The following SLC22A9 variants were observed in gnomAD, a reference collection of about 807,000 sequenced individuals.
SLC22A9 encodes solute carrier family 22 member 9.
A neutral mutation model predicts 50.1 loss-of-function variants in SLC22A9; 64 were observed. That is an observed-to-expected ratio of 1.28 (90% CI 1.04 to 1.57). SLC22A9 has a LOEUF of 1.57. Ranked by LOEUF, SLC22A9 falls within the 40% of genes most tolerant of loss-of-function variation. The pLI is 0.00. For synonymous variants in SLC22A9, 261 were observed against 242.5 expected (o/e 1.08, Z -0.71); for missense variants, 757 against 676.1 (o/e 1.12, Z -1.33).
chr11:63,387,700 T>C (rs920190109), intron 6 of SLC22A9, among the ~76,000 whole-genome samples: 7 of 152,156 alleles, frequency 4.6e-5, no homozygotes, highest in Non-Finnish European at 1.0e-4. Context: ...ATGTCATTGG[T>C]ATTTTGATAG....
At chr11:63,382,506 C>T (rs1489373493) in intron 6 of SLC22A9, among the ~76,000 whole-genome samples, 1 of 152,226 alleles carries the variant, frequency 6.6e-6, no homozygotes, top group Non-Finnish European at 1.5e-5. Context: ...AGGCTCTTCA[C>T]TGGACACCAA....
chr11:63,408,042 A>G, intron 7 of SLC22A9, 70 bp from the exon 8 acceptor site: 1 of 1,287,592 alleles, frequency 7.8e-7, no homozygotes, highest in South Asian at 1.2e-5. Flanking sequence ...AGTCCTTTTC[A>G]CTTCTACCTT....
In SLC22A9 at chr11:63,385,116, T is replaced by TTTG. The variant is rs1000615665; in HGVS notation, c.1073+2841_1073+2842insGTT. ...CACTCTGATGATACAGTTTTTTTTT[T>TTTG]TTTTTTTTTTTGCTGTGCAGAAGCT... On this transcript the variant is annotated intron_variant, in intron 6 of 9. Coordinates refer to ENST00000279178, the MANE Select transcript of SLC22A9 (RefSeq NM_080866.3). Among the ~76,000 whole-genome samples, 78 of 139,928 alleles carry TTTG rather than the reference T, an allele frequency of 5.6e-4. 3 individuals are homozygous for TTTG. In the South Asian group the frequency reaches 0.016, roughly 29 times the overall value. 91.8% of individuals were successfully genotyped at this position (139,928 alleles called of 152,430 possible).
chr11:63,373,554 T>C (rs1217603655), intron 2 of SLC22A9, 90 bp from the exon 3 acceptor site: 2 of 1,305,970 alleles, frequency 1.5e-6, no homozygotes, highest in Admixed American at 6.2e-5. Context: ...TTGTTAAACA[T>C]CTTTTAAGTT....
chr11:63,410,034 A>G lies in SLC22A9; in HGVS notation c.*172A>G. On this transcript the variant is annotated 3_prime_UTR_variant, in exon 10 of 10. Transcript: ENST00000279178. The stretch of plus-strand genomic sequence containing the variant: ...GGCGGGCAGATCATGAGGTCAGAAG[A>G]TAAAGACCACCCTGGCCAACATGGT... 1 of 578,448 alleles carries G rather than the reference A, an allele frequency of 1.7e-6. No homozygotes were observed. The highest frequency in any genetic ancestry group is 3.0e-6 in the Non-Finnish European group (1 of 336,948). The allele number at this position is 578,448 out of a possible 1,614,324, so 35.8% of individuals were successfully genotyped here.
intron 6 of SLC22A9, among the ~76,000 whole-genome samples, chr11:63,392,801 CA>C (rs1046545550): frequency 2.0e-5 from 3 of 152,078 alleles, no homozygotes; most frequent in African/African-American, 7.2e-5. Context: ...CACTTTTACA[CA>C]AAACCAAATG....
intron 6 of SLC22A9, among the ~76,000 whole-genome samples, chr11:63,393,193 G>A (rs1591022805): frequency 6.6e-6 from 1 of 152,070 alleles, no homozygotes; most frequent in South Asian, 2.1e-4. Context: ...TCCTTGTAGG[G>A]GTCTTTTGTC....
chr11:63,398,290 A>G (rs2014894713), intron 6 of SLC22A9, among the ~76,000 whole-genome samples: 1 of 152,040 alleles, frequency 6.6e-6, no homozygotes, highest in Non-Finnish European at 1.5e-5. Flanking sequence ...CCTCTCCTCA[A>G]GTCAAAGGGA....
chr11:63,400,623 G>A (rs1393098021), intron 6 of SLC22A9, among the ~76,000 whole-genome samples: 1 of 152,012 alleles, frequency 6.6e-6, no homozygotes, highest in Non-Finnish European at 1.5e-5. Context: ...CAAACTATTT[G>A]AGAAAATAAA....
At chr11:63,382,966 G>A (rs501594) in intron 6 of SLC22A9, among the ~76,000 whole-genome samples, 8,984 of 152,168 alleles carry the variant, frequency 0.059, 861 homozygotes, top group African/African-American at 0.2. Flanking sequence ...GCCTATGACC[G>A]CTCCCTCATA....
At chr11:63,405,616 G>A (rs2015024201) in intron 6 of SLC22A9, among the ~76,000 whole-genome samples, 1 of 152,100 alleles carries the variant, frequency 6.6e-6, no homozygotes, top group African/African-American at 2.4e-5. Context: ...TGAATGCTGT[G>A]GATATACAAT....
chr11:63,409,326 G>A (rs2015095481), intron 9 of SLC22A9, among the ~76,000 whole-genome samples: 1 of 152,150 alleles, frequency 6.6e-6, no homozygotes, highest in African/African-American at 2.4e-5. Flanking sequence ...ATTTGTGGAA[G>A]AGTATGCAGA....
intron 5 of SLC22A9, among the ~76,000 whole-genome samples, chr11:63,381,718 G>A (rs2014564232): frequency 6.6e-6 from 1 of 152,106 alleles, no homozygotes; most frequent in African/African-American, 2.4e-5. Flanking sequence ...AGTTCTCTCA[G>A]GAAATTTTGC....
At chr11:63,409,088 C>A (rs1313786270) in intron 9 of SLC22A9, among the ~76,000 whole-genome samples, 1 of 152,164 alleles carries the variant, frequency 6.6e-6, no homozygotes. Context: ...TCACACAGAC[C>A]AGCTCTGCCC....
chr11:63,389,732 T>C (rs1555014818), intron 6 of SLC22A9, among the ~76,000 whole-genome samples: 1 of 152,222 alleles, frequency 6.6e-6, no homozygotes, highest in Non-Finnish European at 1.5e-5. Context: ...GTATTTCTGG[T>C]TCCAGATCCT....
rs538717650 is a variant in SLC22A9, at chr11:63,405,893, T to C, written c.1074-604T>C. On this transcript the variant is annotated intron_variant, in intron 6 of 9. Coordinates refer to ENST00000279178, the MANE Select transcript of SLC22A9 (RefSeq NM_080866.3). The stretch of plus-strand genomic sequence containing the variant: ...CATAGTTTAATCCTCCATAAAACAC[T>C]TGCTGTCTTCCAAAAAATTAATGAC... Among the ~76,000 whole-genome samples the C allele has an allele frequency of 2.1e-3, 313 of 152,280 alleles. 1 individual carries two copies. The highest frequency in any genetic ancestry group is 6.8e-3 in the African/African-American group (281 of 41,560).
At chr11:63,372,004 A>C (rs1158574443) in intron 2 of SLC22A9, among the ~76,000 whole-genome samples, 2 of 152,158 alleles carry the variant, frequency 1.3e-5, no homozygotes. Flanking sequence ...GTACGACAGG[A>C]AATGGAATGT....
At chr11:63,395,977 G>A (rs1591024275) in intron 6 of SLC22A9, among the ~76,000 whole-genome samples, 1 of 152,082 alleles carries the variant, frequency 6.6e-6, no homozygotes, top group African/African-American at 2.4e-5. Context: ...GGTTGTCAGG[G>A]AAGTGGGGGA....
rs377732410 is a variant in SLC22A9, at chr11:63,386,720, CTTT to C, written c.1073+4444_1073+4446del. On this transcript the variant is annotated intron_variant, in intron 6 of 9. Coordinates refer to ENST00000279178, the MANE Select transcript of SLC22A9 (RefSeq NM_080866.3). ...CTATTTGAGTCTTGTCTCTTTTCTT[CTTT>C]ATTAGTCTAGCTAGCAGTCTATATA... Among the ~76,000 whole-genome samples, 372 of 151,442 alleles carry C rather than the reference CTTT, an allele frequency of 2.5e-3. 2 individuals carry two copies. Among genetic ancestry groups the C allele is most frequent in the African/African-American group, 7.5e-3 (310 of 41,334 alleles).
Sources: gnomAD v4.1 joint callset for allele counts (sites outside exome capture counted in the v4.1 genomes callset) on GRCh38, gnomAD v4.1.1 for gene constraint, MANE v1.5 for transcripts, NCBI Gene and HGNC (gene_info 2026-07-23, HGNC 2026-07-21) for gene names.